Variants in RYR1 observed in about 807,000 individuals in gnomAD.
RYR1 encodes the protein ryanodine receptor 1, also known as central core disease of muscle.
In RYR1, 342 loss-of-function variants were observed where a neutral mutation model predicts 583.5. That is an observed-to-expected ratio of 0.59 (90% CI 0.54 to 0.64). The LOEUF is 0.64. Among genes scored for constraint, RYR1 ranks in the 30% least tolerant of loss-of-function variants. RYR1 has a pLI of 0.00. For synonymous variants in RYR1, 2,791 were observed against 2,822.5 expected, an observed-to-expected ratio of 0.99 and a Z score of 0.35; for missense variants, 6,032 against 6,917.2, an observed-to-expected ratio of 0.87 and a Z score of 4.54.
chr19:38,485,708 T>C lies in RYR1; in HGVS notation c.5053T>C (p.Cys1685Arg), dbSNP rs774194681. The C allele has an allele frequency of 1.2e-6, 2 of 1,612,036 alleles. No homozygotes were observed. The highest frequency in any genetic ancestry group is 2.7e-5 in the African/African-American group (2 of 75,064). Residue 1685 changes from cysteine (C) to arginine (R), a missense_variant, in exon 34 of 106, where the codon TGC (cysteine) becomes CGC (arginine). Cys to Arg is a radical substitution (Grantham distance 180). Around this residue, in one of 11 missense-constraint regions of RYR1, gnomAD observed 2,627 missense variants for 2,961.3 expected, o/e 0.89. Coordinates refer to ENST00000359596, the MANE Select transcript of RYR1 (RefSeq NM_000540.3). ...LGNNRVAHALCSHVDQAQLLH... is the reference protein window; with the variant it reads ...LGNNRVAHALRSHVDQAQLLH... ...CAACAATCGCGTGGCGCACGCTCTGTGCAGCCACGTAGACCAAGCTCAGCT... is the reference window on the plus strand; with the variant it reads ...CAACAATCGCGTGGCGCACGCTCTGCGCAGCCACGTAGACCAAGCTCAGCT...
rs767711818 is a variant in RYR1 at position 38,528,587 on chromosome 19, T to C, written c.10938-12T>C. The C allele has an allele frequency of 2.5e-6, 4 of 1,613,718 alleles. No homozygotes were observed. Among genetic ancestry groups the C allele is most frequent in the South Asian group, 1.1e-5 (1 of 91,052 alleles). ...GGGCGCGTCCCAGTGACGTCACACC[T>C]CTCCCCTGCAGGCACCGGGCATGTA... On this transcript the variant is annotated splice_polypyrimidine_tract_variant and intron_variant, in intron 74 of 105. Transcript: ENST00000359596.
At chr19:38,495,711 G>A (rs1436208641) in intron 39 of RYR1, among the ~76,000 whole-genome samples, 1 of 152,076 alleles carries the variant, frequency 6.6e-6, no homozygotes, top group Non-Finnish European at 1.5e-5. Context: ...TTGGGTGCAC[G>A]CCTCAGTCTC....
At chr19:38,556,763 C>G (rs1022813477) in intron 89 of RYR1, among the ~76,000 whole-genome samples, 5 of 152,144 alleles carry the variant, frequency 3.3e-5, no homozygotes, top group African/African-American at 9.7e-5. Flanking sequence ...GTGGATAGTG[C>G]TGTCCTAGTT....
At chr19:38,465,873 G>A (rs1968071890) in intron 23 of RYR1, among the ~76,000 whole-genome samples, 1 of 152,208 alleles carries the variant, frequency 6.6e-6, no homozygotes, top group Non-Finnish European at 1.5e-5. Flanking sequence ...GGGGCTAGAG[G>A]TCATTGATGT....
intron 89 of RYR1, among the ~76,000 whole-genome samples, chr19:38,560,510 C>A (rs1263521546): frequency 2.0e-5 from 3 of 152,006 alleles, no homozygotes; most frequent in East Asian, 3.9e-4. Context: ...GGGTGGATCA[C>A]CTGAGGACAG....
intron 1 of RYR1, 27 bp from the exon 2 acceptor site, chr19:38,440,718 T>A (rs777027622): frequency 1.2e-6 from 2 of 1,603,262 alleles, no homozygotes; most frequent in Non-Finnish European, 1.7e-6. Context: ...CAGGCCCCCC[T>A]GGAGACGCTG....
At chr19:38,443,105 C>T (rs1006114156) in intron 3 of RYR1, among the ~76,000 whole-genome samples, 5 of 152,170 alleles carry the variant, frequency 3.3e-5, no homozygotes, top group Admixed American at 1.3e-4. Context: ...TCTTAGACTG[C>T]GGGTGACATT....
At chr19:38,442,888 C>G (rs1005830087) in intron 3 of RYR1, among the ~76,000 whole-genome samples, 12 of 152,342 alleles carry the variant, frequency 7.9e-5, no homozygotes, top group Admixed American at 7.2e-4. Context: ...CATGGGACCT[C>G]TCCCACCTCC....
chr19:38,458,334 A>G (rs768372473), intron 18 of RYR1, 42 bp downstream of exon 18: 1 of 1,589,780 alleles, frequency 6.3e-7, no homozygotes, highest in African/African-American at 1.3e-5. Flanking sequence ...CTGACCATTG[A>G]CCCCAGCATT....
At chr19:38,552,729 A>G (rs1972717708) in intron 89 of RYR1, among the ~76,000 whole-genome samples, 1 of 152,296 alleles carries the variant, frequency 6.6e-6, no homozygotes, top group Admixed American at 6.5e-5. Flanking sequence ...ATCGATAGTC[A>G]GTGAGCACTT....
At chr19:38,525,811 C>G (rs1286863337) in intron 71 of RYR1, among the ~76,000 whole-genome samples, 3 of 151,442 alleles carry the variant, frequency 2.0e-5, no homozygotes, top group African/African-American at 7.3e-5. Context: ...CCCCACCGGA[C>G]CATGCCAAAC....
chr19:38,553,884 G>A (rs1227043446), intron 89 of RYR1, among the ~76,000 whole-genome samples: 1 of 152,162 alleles, frequency 6.6e-6, no homozygotes, highest in African/African-American at 2.4e-5. Context: ...ACATATTCTG[G>A]AGATATAGGA....
At chr19:38,504,178 G>C (rs1177064304) in intron 49 of RYR1, 42 bp from the exon 50 acceptor site, 6 of 1,583,774 alleles carry the variant, frequency 3.8e-6, no homozygotes, top group Non-Finnish European at 5.2e-6. Flanking sequence ...CCATTCGCTG[G>C]TGCCCCCCTC....
chr19:38,473,534 C>T lies in RYR1; in HGVS notation c.3923C>T (p.Pro1308Leu), dbSNP rs1240408895. ...QHFRCTAGATPLAPPGLQPPA... is the reference protein window; with the variant it reads ...QHFRCTAGATLLAPPGLQPPA... Reference sequence around the variant, plus strand: ...TTCCGCTGCACTGCAGGGGCCACCCCGCTGGCACCTCCTGGCCTGCAGCCC... The same window carrying T: ...TTCCGCTGCACTGCAGGGGCCACCCTGCTGGCACCTCCTGGCCTGCAGCCC... Residue 1308 changes from proline to leucine, a missense_variant, in exon 28 of 106, where the codon CCG becomes CTG. Transcript: ENST00000359596. 6 of 1,610,248 alleles carry T rather than the reference C, an allele frequency of 3.7e-6. No homozygotes were observed. Among genetic ancestry groups the T allele is most frequent in the South Asian group, 1.1e-5 (1 of 90,672 alleles).
chr19:38,470,259 A>C (rs2145468458), intron 27 of RYR1, among the ~76,000 whole-genome samples: 1 of 151,982 alleles, frequency 6.6e-6, no homozygotes, highest in East Asian at 1.9e-4. Flanking sequence ...CTCAAAAAAA[A>C]ATTTTTTTTT....
chr19:38,456,089 G>GCTT (rs532373877), intron 16 of RYR1, among the ~76,000 whole-genome samples: 1,820 of 143,864 alleles, frequency 0.013, 34 homozygotes, highest in African/African-American at 0.045. Flanking sequence ...CTCCTGCCTC[G>GCTT]GCCTCCCAAG....
At chr19:38,546,064 C>A (rs1291026649) in intron 87 of RYR1, among the ~76,000 whole-genome samples, 1 of 152,128 alleles carries the variant, frequency 6.6e-6, no homozygotes, top group Admixed American at 6.5e-5. Flanking sequence ...ATCTGTCAAT[C>A]CCACCGTAGG....
chr19:38,557,946 C>T (rs1360732051), intron 89 of RYR1, among the ~76,000 whole-genome samples: 1 of 152,024 alleles, frequency 6.6e-6, no homozygotes, highest in East Asian at 1.9e-4. Flanking sequence ...CACCACTGCA[C>T]TCCAGCATGG....
chr19:38,522,998 C>T (rs200603014), intron 67 of RYR1, 30 bp from the exon 68 acceptor site: 4 of 1,545,900 alleles, frequency 2.6e-6, no homozygotes, highest in African/African-American at 1.4e-5. Context: ...ATCCCCACCC[C>T]CTCCCTCACC....
Sources: allele counts gnomAD v4.1 joint callset (sites outside exome capture counted in the v4.1 genomes callset), GRCh38; gene constraint gnomAD v4.1.1; regional missense constraint gnomAD v4.1.1; transcripts MANE v1.5; gene names NCBI Gene and HGNC (gene_info 2026-07-23, HGNC 2026-07-21).